PLS1: variants seen among roughly 807,000 people sequenced by gnomAD.
PLS1 encodes plastin-1.
PLS1 carries 32 observed loss-of-function variants against 73.7 expected under a neutral mutation model. That is an observed-to-expected ratio of 0.43 (90% CI 0.33 to 0.58). PLS1 has a LOEUF of 0.58. PLS1 is among the 20% of genes least tolerant of loss of function. PLS1 has a pLI of 0.04. For synonymous variants in PLS1, 217 were observed against 261.3 expected, an observed-to-expected ratio of 0.83 and a Z score of 1.63; for missense variants, 633 against 740.5, an observed-to-expected ratio of 0.85 and a Z score of 1.68.
chr3:142,624,879 A>G (rs1353769730), intron 1 of PLS1, among the ~76,000 whole-genome samples: 1 of 152,220 alleles, frequency 6.6e-6, no homozygotes, highest in Non-Finnish European at 1.5e-5. Flanking sequence ...AACAAAGGCT[A>G]TGCCTTTGTG....
intron 1 of PLS1, among the ~76,000 whole-genome samples, chr3:142,610,430 CG>C (rs1465643026): frequency 6.6e-6 from 1 of 152,062 alleles, no homozygotes; most frequent in African/African-American, 2.4e-5. Context: ...TACTGTGATT[CG>C]GATCATACTT....
chr3:142,600,584 TG>T (rs948161916), intron 1 of PLS1, among the ~76,000 whole-genome samples: 2 of 151,654 alleles, frequency 1.3e-5, no homozygotes, highest in African/African-American at 4.8e-5. Flanking sequence ...GTTCAAGAGG[TG>T]GTTTGGAATA....
At chr3:142,611,715 A>G (rs1021816923) in intron 1 of PLS1, among the ~76,000 whole-genome samples, 2 of 152,238 alleles carry the variant, frequency 1.3e-5, no homozygotes, top group Non-Finnish European at 2.9e-5. Flanking sequence ...ATAAGCGCAC[A>G]CACATATTGC....
intron 14 of PLS1, among the ~76,000 whole-genome samples, chr3:142,707,004 G>A (rs1049731514): frequency 6.6e-6 from 1 of 152,170 alleles, no homozygotes; most frequent in African/African-American, 2.4e-5. Flanking sequence ...GTGATCAGTT[G>A]AATAAAAGGG....
chr3:142,689,945 A>C, intron 10 of PLS1, 132 bp downstream of exon 10: 1 of 488,966 alleles, frequency 2.0e-6, no homozygotes, highest in South Asian at 6.2e-5. Context: ...ATCTATTGAA[A>C]AATTAAAATT....
chr3:142,663,911 C>A (rs780844665), intron 1 of PLS1, among the ~76,000 whole-genome samples: 3 of 152,078 alleles, frequency 2.0e-5, no homozygotes, highest in East Asian at 3.8e-4. Flanking sequence ...TTCTTGAAAT[C>A]GTGGGGTAAA....
rs752999180 is a variant in PLS1 at position 142,678,028 on chromosome 3, T to A, written c.498-4T>A. ...AAACTAAATTATTCTCATTTTCTCT[T>A]TAGCAAAATGATCAACTTATCTGAA... is the stretch of plus-strand genomic sequence containing the variant. On this transcript the variant is annotated splice_polypyrimidine_tract_variant and splice_region_variant and intron_variant, in intron 5 of 15. Transcript: ENST00000457734. 6.8e-7 allele frequency: 1 copy of A among 1,465,546 alleles called. No homozygotes were observed. The allele number at this position is 1,465,546 out of a possible 1,614,324, so 90.8% of individuals were successfully genotyped here.
chr3:142,616,068 C>T (rs1024187581), intron 1 of PLS1, among the ~76,000 whole-genome samples: 7 of 152,218 alleles, frequency 4.6e-5, no homozygotes, highest in Admixed American at 3.9e-4. Flanking sequence ...AAGACACTTA[C>T]TGTCTCTCCA....
At chr3:142,634,006 G>A (rs560498415) in intron 1 of PLS1, among the ~76,000 whole-genome samples, 16 of 152,240 alleles carry the variant, frequency 1.1e-4, no homozygotes, top group African/African-American at 3.9e-4. Flanking sequence ...GAATTCAAAC[G>A]TCTAGAGATA....
At chr3:142,688,268 G>A (rs1214786336) in intron 9 of PLS1, among the ~76,000 whole-genome samples, 1 of 152,078 alleles carries the variant, frequency 6.6e-6, no homozygotes, top group Non-Finnish European at 1.5e-5. Flanking sequence ...ATTTTTTGAT[G>A]TCTACAATGG....
At chr3:142,645,627 C>T (rs1394227258) in intron 1 of PLS1, 1 of 152,150 alleles carries the variant, frequency 6.6e-6, no homozygotes. Flanking sequence ...CTCACAGCTT[C>T]CTGCTCTCTG....
At chr3:142,703,822 A>T in intron 12 of PLS1, 46 bp from the exon 13 acceptor site, 1 of 1,350,540 alleles carries the variant, frequency 7.4e-7, no homozygotes, top group South Asian at 1.2e-5. Flanking sequence ...TTCTGGAGAT[A>T]TGTTTTTAAA....
chr3:142,635,762 A>G (rs1213294996), intron 1 of PLS1, among the ~76,000 whole-genome samples: 1 of 152,230 alleles, frequency 6.6e-6, no homozygotes, highest in African/African-American at 2.4e-5. Flanking sequence ...TCTAAAATTC[A>G]TATGGAAATG....
At chr3:142,633,422 G>A (rs762362144) in intron 1 of PLS1, among the ~76,000 whole-genome samples, 1 of 152,160 alleles carries the variant, frequency 6.6e-6, no homozygotes, top group African/African-American at 2.4e-5. Flanking sequence ...TTGGGAGGCC[G>A]AGACAGATGG....
intron 1 of PLS1, among the ~76,000 whole-genome samples, chr3:142,617,247 C>CTTGTGTTTTT (rs1378599616): frequency 3.3e-5 from 5 of 151,856 alleles, no homozygotes; most frequent in Non-Finnish European, 7.4e-5. Flanking sequence ...ATGCCAGCCT[C>CTTGTGTTTTT]TTGTAAACAC....
At chr3:142,598,502 G>A (rs1165122595) in intron 1 of PLS1, among the ~76,000 whole-genome samples, 1 of 152,166 alleles carries the variant, frequency 6.6e-6, no homozygotes, top group Non-Finnish European at 1.5e-5. Flanking sequence ...ACAGGAGACA[G>A]GCGTAAAAAC....
intron 9 of PLS1, 90 bp from the exon 10 acceptor site, chr3:142,689,528 G>A: frequency 1.8e-6 from 1 of 556,536 alleles, no homozygotes; most frequent in Non-Finnish European, 2.9e-6. Context: ...TGATATATTT[G>A]TGGAAAAGTA....
At chr3:142,596,599 CG>C (rs2035819876) in intron 1 of PLS1, 90 bp downstream of exon 1, 1 of 152,594 alleles carries the variant, frequency 6.6e-6, no homozygotes, top group Non-Finnish European at 1.5e-5. Context: ...CGCGGCGGCT[CG>C]GGGGCAGTAT....
intron 1 of PLS1, among the ~76,000 whole-genome samples, chr3:142,661,935 A>G (rs567679470): frequency 1.3e-5 from 2 of 152,212 alleles, no homozygotes; most frequent in East Asian, 3.9e-4. Context: ...TTTCACTTAA[A>G]AAAAATAGGA....
Sources: gnomAD v4.1 joint callset for allele counts (sites outside exome capture counted in the v4.1 genomes callset) on GRCh38, gnomAD v4.1.1 for gene constraint, MANE v1.5 for transcripts, NCBI Gene and HGNC (gene_info 2026-07-23, HGNC 2026-07-21) for gene names.